The following CACNA1E variants were observed in gnomAD, a reference collection of about 807,000 sequenced individuals.
CACNA1E encodes the protein calcium voltage-gated channel subunit alpha1 E.
Under a neutral mutation model 259.2 loss-of-function variants are expected in CACNA1E, and 40 were observed. The observed-to-expected ratio is 0.15, with a 90% CI of 0.12 to 0.20. The LOEUF is 0.20. Among genes scored for constraint, CACNA1E ranks in the 10% least tolerant of loss-of-function variants. The probability of loss-of-function intolerance (pLI) is 1.00; values close to 1 mark genes in which losing one functional copy is unlikely to be tolerated. For synonymous variants in CACNA1E, 1,104 were observed against 1,138.5 expected (o/e 0.97, Z 0.61); for missense variants, 1,874 against 3,040.1 (o/e 0.62, Z 9.02).
At chr1:181,390,555 T>A (rs932197142) in intron 1 of CACNA1E, among the ~76,000 whole-genome samples, 2 of 152,022 alleles carry the variant, frequency 1.3e-5, no homozygotes, top group South Asian at 4.2e-4. Context: ...AGAGTGTAAA[T>A]CCATGAGTCA....
chr1:181,719,885 T>C (rs1654267012), intron 13 of CACNA1E, 22 bp downstream of exon 13: 1 of 1,351,110 alleles, frequency 7.4e-7, no homozygotes, highest in African/African-American at 1.4e-5. Flanking sequence ...GAATTTGGAC[T>C]TTTCCCAATG....
intron 1 of CACNA1E, among the ~76,000 whole-genome samples, chr1:181,318,809 G>C (rs1350475785): frequency 2.6e-5 from 4 of 152,196 alleles, no homozygotes; most frequent in African/African-American, 9.6e-5. Flanking sequence ...CCTTTCCTGG[G>C]ACAGGACTGG....
intron 18 of CACNA1E, among the ~76,000 whole-genome samples, chr1:181,730,929 A>G (rs140493526): frequency 1.4e-3 from 215 of 152,334 alleles, no homozygotes; most frequent in Middle Eastern, 6.8e-3. Context: ...GTGAAATGGC[A>G]TAACCTGTGT....
rs547323780 is a variant in CACNA1E at position 181,395,720 on chromosome 1, A to G, written c.-14-17413A>G. On this transcript the variant is annotated intron_variant, in intron 1 of 11. Coordinates refer to the CACNA1E transcript ENST00000524607. ...GGCCTCCAGCTTAAAGAATCGAGGCAGAAGAAGAAAAGCCAGCAAAGGAAG... is the reference window on the plus strand; with the variant it reads ...GGCCTCCAGCTTAAAGAATCGAGGCGGAAGAAGAAAAGCCAGCAAAGGAAG... Among the ~76,000 whole-genome samples, 23 of 152,352 alleles carry G rather than the reference A, an allele frequency of 1.5e-4. 2 individuals carry two copies. In the South Asian group the frequency reaches 4.6e-3, roughly 30 times the overall value.
chr1:181,405,851 C>T (rs554555539), intron 1 of CACNA1E, among the ~76,000 whole-genome samples: 5 of 152,148 alleles, frequency 3.3e-5, no homozygotes, highest in African/African-American at 1.2e-4. Context: ...TTCTTTGTCT[C>T]CCAGCTGGAG....
chr1:181,421,917 T>C (rs1354843856), intron 2 of CACNA1E, among the ~76,000 whole-genome samples: 2 of 152,186 alleles, frequency 1.3e-5, no homozygotes, highest in Non-Finnish European at 2.9e-5. Context: ...ATGAACTCTT[T>C]TTGCTGGCTC....
At chr1:181,370,991 T>C (rs1415679686) in intron 1 of CACNA1E, among the ~76,000 whole-genome samples, 3 of 152,200 alleles carry the variant, frequency 2.0e-5, no homozygotes, top group Non-Finnish European at 4.4e-5. Flanking sequence ...GGTATCTCAT[T>C]GTGGTTTTGA....
intron 25 of CACNA1E, among the ~76,000 whole-genome samples, chr1:181,741,680 T>A (rs1414958822): frequency 6.6e-6 from 1 of 152,184 alleles, no homozygotes; most frequent in Non-Finnish European, 1.5e-5. Context: ...TCCAGACATC[T>A]CTCCTGAGAC....
chr1:181,350,875 G>A (rs143605925), intron 1 of CACNA1E, among the ~76,000 whole-genome samples: 3 of 152,356 alleles, frequency 2.0e-5, no homozygotes, highest in Admixed American at 6.5e-5. Context: ...TGCTGGTGCT[G>A]AGGGCGCAGG....
At position 181,739,167 on chromosome 1, in the gene CACNA1E, C is replaced by G; in HGVS notation, c.3633C>G (p.Ile1211Met). 1 of 1,612,314 alleles carries G rather than the reference C, an allele frequency of 6.2e-7. No homozygotes were observed. The highest frequency in any genetic ancestry group is 8.5e-7 in the Non-Finnish European group (1 of 1,178,354). Reference protein sequence around the residue: ...MVIKMIDQGLILQDGSYFRDL... With the variant: ...MVIKMIDQGLMLQDGSYFRDL... Reference sequence around the variant, plus strand: ...TGCAGATGATAGACCAAGGCTTGATCCTGCAGGATGGGTCCTACTTCCGAG... The same window carrying G: ...TGCAGATGATAGACCAAGGCTTGATGCTGCAGGATGGGTCCTACTTCCGAG... The change falls in exon 25 of 48, where the codon ATC becomes ATG. Residue 1211 changes from isoleucine (I) to methionine (M), a missense_variant. Ile to Met is a conservative substitution (Grantham distance 10). This residue lies in a region of CACNA1E where 188 missense variants were observed against 540.6 expected (regional missense o/e 0.35). Coordinates refer to ENST00000367573, the MANE Select transcript of CACNA1E (RefSeq NM_001205293.3).
At chr1:181,498,295 G>C (rs961333015) in intron 1 of CACNA1E, among the ~76,000 whole-genome samples, 2 of 152,196 alleles carry the variant, frequency 1.3e-5, no homozygotes, top group African/African-American at 4.8e-5. Context: ...TAGTAGGTTT[G>C]TGGAAAAGGG....
intron 1 of CACNA1E, among the ~76,000 whole-genome samples, chr1:181,350,140 A>G (rs963851116): frequency 6.6e-6 from 1 of 152,202 alleles, no homozygotes; most frequent in African/African-American, 2.4e-5. Context: ...TCAGCAAACC[A>G]GAGCCTGAAT....
rs1332606792 is a variant in CACNA1E, at chr1:181,485,299, C to G, written c.266+1289C>G. Among the ~76,000 whole-genome samples, 1 of 152,202 alleles carries G rather than the reference C, an allele frequency of 6.6e-6. No individual in the cohort carries two copies. Among genetic ancestry groups the G allele is most frequent in the Non-Finnish European group, 1.5e-5 (1 of 68,034 alleles). ...TAGCCAGACACGCGGCTCATTTCCC[C>G]CAGGGCCTGGGCATCTCCCTACTCC... On this transcript the variant is annotated intron_variant, in intron 1 of 47. Coordinates refer to ENST00000367573, the MANE Select transcript of CACNA1E (RefSeq NM_001205293.3). This position sits in a 1 kb window ranked among gnomAD's most constrained non-coding sequence, Gnocchi z 4.2.
intron 34 of CACNA1E, among the ~76,000 whole-genome samples, chr1:181,763,792 G>T (rs1658791884): frequency 6.6e-6 from 1 of 152,192 alleles, no homozygotes; most frequent in South Asian, 2.1e-4. Flanking sequence ...CTCTCTGTCT[G>T]CTGAGGCAGG....
intron 10 of CACNA1E, 87 bp downstream of exon 10, chr1:181,716,216 A>G (rs1653878354): frequency 3.8e-6 from 3 of 784,042 alleles, no homozygotes; most frequent in Non-Finnish European, 6.3e-6. Flanking sequence ...ACAAGGAGGG[A>G]AAGAATCCAA....
chr1:181,616,674 A>G (rs529186113), intron 6 of CACNA1E, among the ~76,000 whole-genome samples: 138 of 152,222 alleles, frequency 9.1e-4, no homozygotes, highest in African/African-American at 3.2e-3. Flanking sequence ...AGATCGCACC[A>G]CTGCTCTCCA....
intron 35 of CACNA1E, among the ~76,000 whole-genome samples, chr1:181,767,133 A>T (rs905660274): frequency 6.6e-6 from 1 of 152,336 alleles, no homozygotes; most frequent in African/African-American, 2.4e-5. Flanking sequence ...ATCACTGTGA[A>T]CAACTCATGG....
chr1:181,507,303 A>G (rs1424705454), intron 1 of CACNA1E, among the ~76,000 whole-genome samples: 3 of 152,222 alleles, frequency 2.0e-5, no homozygotes, highest in Non-Finnish European at 2.9e-5. Context: ...ACCTGGGCCA[A>G]GAGCCATTCC....
chr1:181,508,056 T>C (rs1331523510), intron 1 of CACNA1E, among the ~76,000 whole-genome samples: 1 of 151,994 alleles, frequency 6.6e-6, no homozygotes, highest in Non-Finnish European at 1.5e-5. Context: ...CCAGGTATGT[T>C]CCTGGGAACA....
Sources: allele counts gnomAD v4.1 joint callset (sites outside exome capture counted in the v4.1 genomes callset), GRCh38; gene constraint gnomAD v4.1.1; regional missense constraint gnomAD v4.1.1; non-coding constraint Gnocchi (gnomAD v3.1); transcripts MANE v1.5; gene names NCBI Gene and HGNC (gene_info 2026-07-23, HGNC 2026-07-21).